Variants in STK4 observed in about 807,000 individuals in gnomAD.
STK4 encodes serine/threonine-protein kinase 4.
In STK4, 30 loss-of-function variants were observed where a neutral mutation model predicts 64.9. The ratio of observed to expected loss-of-function variants is 0.46; its 90% CI spans 0.35 to 0.63. STK4 has a LOEUF of 0.63. STK4 is among the 20% of genes least tolerant of loss of function. The pLI, the probability that STK4 is intolerant of heterozygous loss-of-function variation, is 0.01. For synonymous variants in STK4, 177 were observed against 199.0 expected (o/e 0.89, Z 0.93); for missense variants, 466 against 598.5 (o/e 0.78, Z 2.31).
chr20:45,020,472 T>TG (rs1568728059), intron 9 of STK4, among the ~76,000 whole-genome samples: 11 of 49,538 alleles, frequency 2.2e-4, no homozygotes, highest in African/African-American at 1.3e-3. Context: ...GTGTGTATGT[T>TG]TATGTTTATG....
At chr20:45,021,119 T>G (rs2068240125) in intron 9 of STK4, among the ~76,000 whole-genome samples, 1 of 152,178 alleles carries the variant, frequency 6.6e-6, no homozygotes, top group Admixed American at 6.5e-5. Context: ...ATGCCCAGCC[T>G]ACACAAGAAT....
chr20:45,058,329 T>G (rs1978682910), intron 10 of STK4, among the ~76,000 whole-genome samples: 1 of 152,170 alleles, frequency 6.6e-6, no homozygotes, highest in South Asian at 2.1e-4. Context: ...TTACAGAGTG[T>G]TATATACTTT....
chr20:45,063,877 G>A (rs1410539882), intron 10 of STK4, among the ~76,000 whole-genome samples: 1 of 150,552 alleles, frequency 6.6e-6, no homozygotes, highest in East Asian at 2.0e-4. Context: ...GTGTGATCTC[G>A]GCTCACTGCA....
intron 9 of STK4, among the ~76,000 whole-genome samples, chr20:45,011,213 A>G (rs2068038914): frequency 6.6e-6 from 1 of 152,112 alleles, no homozygotes; most frequent in South Asian, 2.1e-4. Context: ...CACATTATTG[A>G]AGTGACATGA....
rs542244421 is a variant in STK4, at chr20:45,055,798, T to C, written c.1306-19220T>C. Among the ~76,000 whole-genome samples, 4 of 152,024 alleles carry C rather than the reference T, an allele frequency of 2.6e-5. No homozygotes were observed. In the East Asian group the frequency reaches 5.8e-4, roughly 22 times the overall value. ...CCCAGGCTGGAGTGCAGTGGCATGATCTTGGCTCACTGCAATCTTTGCCTC... is the reference window on the plus strand; with the variant it reads ...CCCAGGCTGGAGTGCAGTGGCATGACCTTGGCTCACTGCAATCTTTGCCTC... On this transcript the variant is annotated intron_variant, in intron 10 of 10. Coordinates refer to ENST00000372806, the MANE Select transcript of STK4 (RefSeq NM_006282.5).
Position 45,075,216 on chromosome 20 carries a change from T to C in STK4, c.*40T>C. 1 of 1,604,186 alleles carries C rather than the reference T, an allele frequency of 6.2e-7. No homozygotes were observed. The highest frequency in any genetic ancestry group is 8.5e-7 in the Non-Finnish European group (1 of 1,177,002). On this transcript the variant is annotated 3_prime_UTR_variant, in exon 11 of 11. Coordinates refer to ENST00000372806, the MANE Select transcript of STK4 (RefSeq NM_006282.5). ...TGAGGGCCCCAGCTCCACCCAGGCT[T>C]TGGGTGAATTCTGGATGGCTTGCCT...
intron 10 of STK4, among the ~76,000 whole-genome samples, chr20:45,074,000 C>T (rs1980304772): frequency 6.6e-6 from 1 of 152,218 alleles, no homozygotes; most frequent in African/African-American, 2.4e-5. Flanking sequence ...CTGCAACAGG[C>T]AGAACCACAT....
intron 9 of STK4, among the ~76,000 whole-genome samples, chr20:45,022,489 A>T (rs1470437189): frequency 6.6e-6 from 1 of 152,200 alleles, no homozygotes; most frequent in Non-Finnish European, 1.5e-5. Context: ...CTCAAATATG[A>T]GGCAAGCAGA....
intron 5 of STK4, among the ~76,000 whole-genome samples, chr20:44,991,153 A>G (rs1024276272): frequency 6.6e-6 from 1 of 152,216 alleles, no homozygotes; most frequent in African/African-American, 2.4e-5. Flanking sequence ...TCAAGCTGTC[A>G]TCTTTACCCA....
intron 10 of STK4, among the ~76,000 whole-genome samples, chr20:45,062,845 T>A (rs902221276): frequency 1.0e-5 from 1 of 97,098 alleles, no homozygotes; most frequent in Non-Finnish European, 2.3e-5. Context: ...GCCCGGCTAT[T>A]TTTTTTTTTT....
intron 7 of STK4, among the ~76,000 whole-genome samples, chr20:44,997,977 G>A (rs117220707): frequency 3.6e-3 from 544 of 152,150 alleles, no homozygotes; most frequent in Non-Finnish European, 6.3e-3. Context: ...TACTCATTTC[G>A]GGTCACTCAG....
intron 5 of STK4, among the ~76,000 whole-genome samples, chr20:44,994,455 C>T (rs960382970): frequency 6.7e-6 from 1 of 150,158 alleles, no homozygotes; most frequent in Non-Finnish European, 1.5e-5. Flanking sequence ...GTATGTTGTG[C>T]ATTTTTTTCA....
At chr20:45,026,681 A>T (rs928141508) in intron 10 of STK4, among the ~76,000 whole-genome samples, 3 of 152,194 alleles carry the variant, frequency 2.0e-5, no homozygotes, top group African/African-American at 7.2e-5. Flanking sequence ...GACCTTATTT[A>T]TATTTAAAAG....
chr20:45,022,335 G>A (rs1376809646), intron 9 of STK4, among the ~76,000 whole-genome samples: 1 of 152,106 alleles, frequency 6.6e-6, no homozygotes, highest in Non-Finnish European at 1.5e-5. Context: ...CAGGTCCCTG[G>A]TATTGATATC....
chr20:44,995,606 A>G (rs2067714671), intron 6 of STK4, among the ~76,000 whole-genome samples: 1 of 44,340 alleles, frequency 2.3e-5, no homozygotes, highest in African/African-American at 1.1e-4. Flanking sequence ...ACTCCATCTC[A>G]AAAAAAAAAA....
chr20:45,077,688 C>G lies in STK4; in HGVS notation c.*2512C>G, dbSNP rs944250620. On this transcript the variant is annotated 3_prime_UTR_variant, in exon 11 of 11. Transcript: ENST00000372806. ...AGGCATGAGCCACCGCTCCTGGCCT[C>G]TCTTTCTTTTTTAAACAAAGAACTT... 2.0e-5 allele frequency: 3 copies of G among 152,198 alleles called. No individual in the cohort carries two copies. Among genetic ancestry groups the G allele is most frequent in the Non-Finnish European group, 2.9e-5 (2 of 68,036 alleles). The allele number at this position is 152,198 out of a possible 1,614,324, so 9.4% of individuals were successfully genotyped here. A position where few individuals can be genotyped will look rare whatever the true frequency, so the allele number is the denominator to read the frequency against.
In STK4 at chr20:44,972,127, G is replaced by C; in HGVS notation, c.85G>C (p.Val29Leu). The C allele has an allele frequency of 6.2e-7, 1 of 1,613,980 alleles. No individual in the cohort carries two copies. Among genetic ancestry groups the C allele is most frequent in the South Asian group, 1.1e-5 (1 of 91,038 alleles). ...TAGTTTAACCAAACAACCAGAAGAA[G>C]TATTTGATGTCTTAGAGAAACTTGG... ...EDSLTKQPEEVFDVLEKLGEG... is the reference protein window; with the variant it reads ...EDSLTKQPEELFDVLEKLGEG... The change falls in exon 2 of 11, where the codon GTA becomes CTA. Residue 29 changes from valine to leucine, a missense_variant. Transcript: ENST00000372806.
intron 10 of STK4, among the ~76,000 whole-genome samples, chr20:45,038,726 G>A (rs2068566150): frequency 1.3e-5 from 2 of 151,710 alleles, no homozygotes; most frequent in Admixed American, 1.3e-4. Context: ...GGACCCCAGA[G>A]GGCTTTCGTT....
At chr20:45,055,040 T>C (rs1219161922) in intron 10 of STK4, among the ~76,000 whole-genome samples, 1 of 152,192 alleles carries the variant, frequency 6.6e-6, no homozygotes, top group African/African-American at 2.4e-5. Context: ...GGGGTGGGGA[T>C]GGGCATGTAC....
Sources: gnomAD v4.1 joint callset for allele counts (sites outside exome capture counted in the v4.1 genomes callset) on GRCh38, gnomAD v4.1.1 for gene constraint, MANE v1.5 for transcripts, NCBI Gene and HGNC (gene_info 2026-07-23, HGNC 2026-07-21) for gene names.